The following MIPOL1 variants were observed in gnomAD, a reference collection of about 807,000 sequenced individuals.
MIPOL1 encodes mirror-image polydactyly 1.
MIPOL1 carries 57 observed loss-of-function variants against 60.9 expected under a neutral mutation model. The observed-to-expected ratio is 0.94, with a 90% confidence interval of 0.76 to 1.17. MIPOL1 has a LOEUF of 1.17. MIPOL1 is among the 50% of genes most tolerant of loss of function. MIPOL1 has a pLI of 0.00. For synonymous variants in MIPOL1, 179 were observed against 168.8 expected, an observed-to-expected ratio of 1.06 and a Z score of -0.47; for missense variants, 551 against 511.6, an observed-to-expected ratio of 1.08 and a Z score of -0.74.
intron 10 of MIPOL1, among the ~76,000 whole-genome samples, chr14:37,395,098 A>C (rs1291100898): frequency 2.0e-5 from 3 of 152,090 alleles, no homozygotes; most frequent in African/African-American, 4.8e-5. Context: ...TGGGTTCTCT[A>C]TTCTGTTCCA....
At chr14:37,460,804 G>T (rs577536523) in intron 11 of MIPOL1, among the ~76,000 whole-genome samples, 175 of 152,172 alleles carry the variant, frequency 1.2e-3, no homozygotes, top group Middle Eastern at 3.4e-3. Flanking sequence ...TAACCAAGAA[G>T]GTGAAAGACC....
chr14:37,209,976 A>G (rs929332811), intron 1 of MIPOL1, among the ~76,000 whole-genome samples: 7 of 152,028 alleles, frequency 4.6e-5, no homozygotes, highest in Non-Finnish European at 7.4e-5. Flanking sequence ...CTCTCAAAGT[A>G]CTGATTACTG....
chr14:37,347,058 A>C (rs2090996956), intron 9 of MIPOL1, among the ~76,000 whole-genome samples: 1 of 151,958 alleles, frequency 6.6e-6, no homozygotes, highest in African/African-American at 2.4e-5. Flanking sequence ...CAAGAGATAC[A>C]AAACCAATCT....
In MIPOL1 at chr14:37,396,547, C is replaced by T. The variant is rs140930748; in HGVS notation, c.937-26308C>T. The stretch of plus-strand genomic sequence containing the variant: ...CTAGCAATGCTGAGGAAGTTTTCCT[C>T]GATTATTCCCCCAAATATGTTTTCC... On this transcript the variant is annotated intron_variant, in intron 10 of 12. Coordinates refer to ENST00000684589, the MANE Select transcript of MIPOL1 (RefSeq NM_001388067.1). Among the ~76,000 whole-genome samples the T allele has an allele frequency of 2.8e-3, 429 of 152,110 alleles. 3 individuals are homozygous for T. The highest frequency in any genetic ancestry group is 0.01 in the African/African-American group (417 of 41,522).
intron 1 of MIPOL1, among the ~76,000 whole-genome samples, chr14:37,199,944 C>A (rs1433276933): frequency 6.6e-6 from 1 of 152,196 alleles, no homozygotes; most frequent in African/African-American, 2.4e-5. Context: ...ATTTATACTT[C>A]AGTGGCAGCT....
chr14:37,488,135 G>T (rs1445990853), intron 11 of MIPOL1, among the ~76,000 whole-genome samples: 1 of 152,122 alleles, frequency 6.6e-6, no homozygotes, highest in Non-Finnish European at 1.5e-5. Flanking sequence ...CCATGTAGTT[G>T]TGCAGTTTTC....
chr14:37,517,895 CT>C (rs1340393931), intron 12 of MIPOL1, among the ~76,000 whole-genome samples: 1 of 152,118 alleles, frequency 6.6e-6, no homozygotes, highest in African/African-American at 2.4e-5. Flanking sequence ...GGGAGTGCAA[CT>C]TTTCTGAGTA....
At chr14:37,443,455 A>G (rs71405794) in intron 11 of MIPOL1, among the ~76,000 whole-genome samples, 2 of 89,972 alleles carry the variant, frequency 2.2e-5, no homozygotes, top group African/African-American at 1.1e-4. Flanking sequence ...AGACTATCTC[A>G]CCAAAAAAAA....
At chr14:37,386,713 T>C (rs1203670988) in intron 10 of MIPOL1, among the ~76,000 whole-genome samples, 1 of 151,964 alleles carries the variant, frequency 6.6e-6, no homozygotes, top group Non-Finnish European at 1.5e-5. Context: ...GTTGTTAATG[T>C]AGTAGAGAAC....
At chr14:37,270,081 G>A (rs2083179625) in intron 5 of MIPOL1, among the ~76,000 whole-genome samples, 15 of 151,992 alleles carry the variant, frequency 9.9e-5, no homozygotes, top group Admixed American at 9.8e-4. Flanking sequence ...TGCCCACCTC[G>A]GCCTCCCAAA....
chr14:37,535,540 CG>C lies in MIPOL1; in HGVS notation c.1263-11364del, dbSNP rs1484916301. ...TGTTTTCCTATGTAACACACTCTCC[CG>C]TTCACAGTATTTAAAACCTTTCAGC... On this transcript the variant is annotated intron_variant, in intron 12 of 12. Coordinates refer to ENST00000684589, the MANE Select transcript of MIPOL1 (RefSeq NM_001388067.1). 2.6e-5 allele frequency among the ~76,000 whole-genome samples: 4 copies of C among 152,274 alleles called. No homozygotes were observed. The East Asian group carries it at 7.7e-4, about 29-fold the overall frequency.
At position 37,431,875 on chromosome 14, in the gene MIPOL1, A is replaced by G. The variant is rs112327066; in HGVS notation, c.1031+8926A>G. 4.6e-3 allele frequency among the ~76,000 whole-genome samples: 704 copies of G among 151,676 alleles called. 4 individuals carry two copies. The highest frequency in any genetic ancestry group is 0.015 in the African/African-American group (624 of 41,348). ...GCTGGGATTACAGGCGTGAGCCACTACGCCCGGCCCTGTTTCTAGTTTAGT... is the reference window on the plus strand; with the variant it reads ...GCTGGGATTACAGGCGTGAGCCACTGCGCCCGGCCCTGTTTCTAGTTTAGT... On this transcript the variant is annotated intron_variant, in intron 11 of 12. Coordinates refer to ENST00000684589, the MANE Select transcript of MIPOL1 (RefSeq NM_001388067.1).
At chr14:37,522,799 G>A (rs1271442229) in intron 12 of MIPOL1, among the ~76,000 whole-genome samples, 3 of 152,000 alleles carry the variant, frequency 2.0e-5, no homozygotes, top group African/African-American at 4.8e-5. Context: ...AATGAATCCA[G>A]TGAATAGTAA....
intron 12 of MIPOL1, among the ~76,000 whole-genome samples, chr14:37,539,992 C>A (rs983248138): frequency 6.6e-6 from 1 of 152,256 alleles, no homozygotes. Flanking sequence ...CCCCCTTTTG[C>A]TTTACACTTC....
intron 10 of MIPOL1, among the ~76,000 whole-genome samples, chr14:37,418,432 A>G (rs2093810144): frequency 6.6e-6 from 1 of 152,162 alleles, no homozygotes; most frequent in African/African-American, 2.4e-5. Context: ...GACTAACCTT[A>G]GTTAACCAAC....
intron 11 of MIPOL1, among the ~76,000 whole-genome samples, chr14:37,440,722 G>T (rs999437759): frequency 6.6e-6 from 1 of 152,164 alleles, no homozygotes; most frequent in Non-Finnish European, 1.5e-5. Context: ...TGTGGATTGT[G>T]CTGTGATAAA....
At chr14:37,422,571 ATAAAGT>A (rs1334204704) in intron 10 of MIPOL1, among the ~76,000 whole-genome samples, 2 of 152,068 alleles carry the variant, frequency 1.3e-5, no homozygotes, top group Non-Finnish European at 2.9e-5. Context: ...AATTCTGTGT[ATAAAGT>A]TAAACATTGC....
chr14:37,287,719 A>G (rs183579173), intron 7 of MIPOL1, among the ~76,000 whole-genome samples: 118 of 152,288 alleles, frequency 7.7e-4, no homozygotes, highest in African/African-American at 2.5e-3. Flanking sequence ...CTCTTCTAAT[A>G]TTAACAAATG....
chr14:37,483,536 T>C (rs747672271), intron 11 of MIPOL1, among the ~76,000 whole-genome samples: 14 of 152,298 alleles, frequency 9.2e-5, no homozygotes, highest in Non-Finnish European at 2.1e-4. Context: ...GAGGGCCAAC[T>C]GTATAGCCAT....
Sources: gnomAD v4.1 joint callset for allele counts (sites outside exome capture counted in the v4.1 genomes callset) on GRCh38, gnomAD v4.1.1 for gene constraint, MANE v1.5 for transcripts, NCBI Gene and HGNC (gene_info 2026-07-23, HGNC 2026-07-21) for gene names.